Variants in PDGFD observed in about 807,000 individuals in gnomAD.
PDGFD encodes platelet derived growth factor D.
A neutral mutation model predicts 44.7 loss-of-function variants in PDGFD; 30 were observed. That is an observed-to-expected ratio of 0.67 (90% CI 0.50 to 0.91). PDGFD has a LOEUF of 0.91. PDGFD is among the 40% of genes least tolerant of loss of function. The pLI is 0.00. For synonymous variants in PDGFD, 173 were observed against 168.4 expected (o/e 1.03, Z -0.21); for missense variants, 445 against 457.8 (o/e 0.97, Z 0.25).
chr11:103,967,150 T>A (rs1188076279), intron 3 of PDGFD, among the ~76,000 whole-genome samples: 1 of 152,200 alleles, frequency 6.6e-6, no homozygotes, highest in East Asian at 1.9e-4. Context: ...TGTAGGCATA[T>A]AAAGGTAAAC....
chr11:104,012,921 G>T (rs565080771), intron 1 of PDGFD, among the ~76,000 whole-genome samples: 1 of 152,332 alleles, frequency 6.6e-6, no homozygotes, highest in East Asian at 1.9e-4. Context: ...CGTTTCCCCT[G>T]CAAAGGCCTC....
chr11:103,949,268 G>T (rs940400960), intron 3 of PDGFD, among the ~76,000 whole-genome samples: 13 of 152,104 alleles, frequency 8.5e-5, no homozygotes, highest in Non-Finnish European at 4.4e-5. Context: ...CCCCCAAAGT[G>T]CTGGGATTAC....
intron 1 of PDGFD, among the ~76,000 whole-genome samples, chr11:104,053,444 C>G (rs1417176145): frequency 1.3e-5 from 2 of 152,232 alleles, no homozygotes; most frequent in Non-Finnish European, 2.9e-5. Context: ...GCAATTAATT[C>G]CTGCAGAAAT....
At chr11:103,949,438 C>T (rs1344586208) in intron 3 of PDGFD, among the ~76,000 whole-genome samples, 1 of 152,164 alleles carries the variant, frequency 6.6e-6, no homozygotes. Flanking sequence ...CAAATGAAGG[C>T]TGGCATTTAT....
chr11:104,035,491 AT>A, intron 1 of PDGFD, among the ~76,000 whole-genome samples: 1 of 151,314 alleles, frequency 6.6e-6, no homozygotes, highest in East Asian at 1.9e-4. Flanking sequence ...CCTTAAGTCA[AT>A]TTAAAAAAAA....
At chr11:104,104,735 T>C (rs1417798333) in intron 1 of PDGFD, among the ~76,000 whole-genome samples, 1 of 152,142 alleles carries the variant, frequency 6.6e-6, no homozygotes, top group Non-Finnish European at 1.5e-5. Context: ...CCTATATTTC[T>C]GACAATGTAT....
At chr11:104,101,027 T>C (rs2134445009) in intron 1 of PDGFD, among the ~76,000 whole-genome samples, 1 of 152,212 alleles carries the variant, frequency 6.6e-6, no homozygotes, top group East Asian at 1.9e-4. Context: ...AAGCATTCCC[T>C]TTGAAAACTG....
chr11:104,119,533 AAT>A lies in PDGFD; in HGVS notation c.124+44269_124+44270del, dbSNP rs1320608103. Among the ~76,000 whole-genome samples the A allele has an allele frequency of 6.5e-4, 9 of 13,782 alleles. 1 individual carries two copies. The highest frequency in any genetic ancestry group is 1.5e-3 in the Non-Finnish European group (9 of 5,930). The allele number at this position is 13,782 out of a possible 152,430, so 9.0% of individuals were successfully genotyped here. On this transcript the variant is annotated intron_variant, in intron 1 of 6. Transcript: ENST00000393158. ...ATATATTAATATAATATATTGATAT[AAT>A]ATATAATATAATATATTGATATAAT...
At chr11:104,037,155 C>T in intron 1 of PDGFD, 13 of 1,613,758 alleles carry the variant, frequency 8.1e-6, no homozygotes, top group Non-Finnish European at 1.1e-5. Flanking sequence ...GTCCACAGCA[C>T]CCTGGACAGC....
At chr11:104,115,216 T>C (rs1322917800) in intron 1 of PDGFD, among the ~76,000 whole-genome samples, 1 of 151,302 alleles carries the variant, frequency 6.6e-6, no homozygotes, top group African/African-American at 2.4e-5. Flanking sequence ...TCACCATGAA[T>C]GCCATTAATT....
chr11:104,023,972 A>AT (rs1413343442), intron 1 of PDGFD, among the ~76,000 whole-genome samples: 2 of 152,160 alleles, frequency 1.3e-5, no homozygotes, highest in African/African-American at 4.8e-5. Flanking sequence ...ACTGACTTGC[A>AT]TTAATATGAT....
At chr11:104,155,019 A>C (rs1326186558) in intron 1 of PDGFD, among the ~76,000 whole-genome samples, 1 of 152,224 alleles carries the variant, frequency 6.6e-6, no homozygotes, top group African/African-American at 2.4e-5. Flanking sequence ...CAAGTTATTA[A>C]GGATTCTGAA....
chr11:104,058,840 G>A (rs891149313), intron 1 of PDGFD, among the ~76,000 whole-genome samples: 4 of 152,152 alleles, frequency 2.6e-5, no homozygotes, highest in African/African-American at 7.2e-5. Context: ...CAACGTGAAC[G>A]AATATGTAAA....
At chr11:104,114,306 T>C (rs75887691) in intron 1 of PDGFD, among the ~76,000 whole-genome samples, 2 of 151,426 alleles carry the variant, frequency 1.3e-5, no homozygotes, top group East Asian at 2.0e-4. Context: ...CATTTTTTTT[T>C]CTGCATGTGG....
rs1373748221 is a variant in PDGFD, at chr11:104,136,404, GATA to G, written c.124+27397_124+27399del. Among the ~76,000 whole-genome samples, 4 of 152,220 alleles carry G rather than the reference GATA, an allele frequency of 2.6e-5. No homozygotes were observed. The East Asian group carries it at 7.7e-4, about 29-fold the overall frequency. On this transcript the variant is annotated intron_variant, in intron 1 of 6. Coordinates refer to ENST00000393158, the MANE Select transcript of PDGFD (RefSeq NM_025208.5). ...CAATCCTCATCTCCCAGTGTAAAAA[GATA>G]ATAAGTAATGTCTAAAGTTGACAAA...
Position 104,063,974 on chromosome 11 carries a change from C to T in PDGFD, c.125-63719G>A, listed in dbSNP as rs781767544. On this transcript the variant is annotated intron_variant, in intron 1 of 6. Coordinates refer to ENST00000393158, the MANE Select transcript of PDGFD (RefSeq NM_025208.5). The stretch of plus-strand genomic sequence containing the variant: ...GAGGTTTCAGAAAACAGAAGTAACT[C>T]GTTCAGGTTTTATGGTAAGTGGTGG... Among the ~76,000 whole-genome samples the T allele has an allele frequency of 5.3e-5, 8 of 152,136 alleles. No individual in the cohort carries two copies. The East Asian group carries it at 1.5e-3, about 29-fold the overall frequency.
intron 3 of PDGFD, among the ~76,000 whole-genome samples, chr11:103,953,252 AAAACCATAAG>A (rs1858785811): frequency 6.6e-6 from 1 of 152,144 alleles, no homozygotes; most frequent in African/African-American, 2.4e-5. Context: ...AAACAAAAGT[AAAACCATAAG>A]GACAAGCTAG....
At chr11:104,119,341 TGATATAATATATAATATATTG>T (rs1861716638) in intron 1 of PDGFD, among the ~76,000 whole-genome samples, 1 of 59,634 alleles carries the variant, frequency 1.7e-5, no homozygotes, top group African/African-American at 6.7e-5. Context: ...TATAATATAT[TGATATAATATATAATATATTG>T]ATATAATATA....
chr11:104,121,183 T>C lies in PDGFD; in HGVS notation c.124+42621A>G, dbSNP rs574907398. Among the ~76,000 whole-genome samples the C allele has an allele frequency of 8.5e-5, 13 of 152,156 alleles. No individual in the cohort carries two copies. In the East Asian group the frequency reaches 1.5e-3, roughly 18 times the overall value. Reference sequence around the variant, plus strand: ...AACGAATTAGATTTTAAAGAACAAATTGAAAGTTTAATTTGATTATCAACA... The same window carrying C: ...AACGAATTAGATTTTAAAGAACAAACTGAAAGTTTAATTTGATTATCAACA... On this transcript the variant is annotated intron_variant, in intron 1 of 6. Coordinates refer to ENST00000393158, the MANE Select transcript of PDGFD (RefSeq NM_025208.5).
Sources: gnomAD v4.1 joint callset for allele counts (sites outside exome capture counted in the v4.1 genomes callset) on GRCh38, gnomAD v4.1.1 for gene constraint, MANE v1.5 for transcripts, NCBI Gene and HGNC (gene_info 2026-07-23, HGNC 2026-07-21) for gene names.